Variants in SNTB1 observed in about 807,000 individuals in gnomAD.
SNTB1 encodes the protein syntrophin beta 1.
Under a neutral mutation model 48.9 loss-of-function variants are expected in SNTB1, and 36 were observed. That is an observed-to-expected ratio of 0.74 (90% CI 0.56 to 0.97). SNTB1 has a LOEUF of 0.97. Among genes scored for constraint, SNTB1 ranks in the 50% least tolerant of loss-of-function variants. The pLI is 0.00. For missense variants in SNTB1, 786 were observed against 703.4 expected (o/e 1.12, Z -1.33); for synonymous variants, 299 against 294.6 (o/e 1.01, Z -0.15).
intron 1 of SNTB1, among the ~76,000 whole-genome samples, chr8:120,742,453 G>A (rs1438727986): frequency 1.3e-5 from 2 of 152,150 alleles, no homozygotes; most frequent in African/African-American, 4.8e-5. Context: ...TGTCTGAGGT[G>A]ATTTATTTCT....
chr8:120,572,294 A>G (rs1815868111), intron 4 of SNTB1, among the ~76,000 whole-genome samples: 1 of 152,180 alleles, frequency 6.6e-6, no homozygotes, highest in African/African-American at 2.4e-5. Context: ...AACTTCTTCC[A>G]GAGTTTGTCT....
intron 4 of SNTB1, among the ~76,000 whole-genome samples, chr8:120,556,243 C>A (rs1423494508): frequency 6.6e-6 from 1 of 152,082 alleles, no homozygotes; most frequent in Non-Finnish European, 1.5e-5. Flanking sequence ...GAGTCGGAAC[C>A]CGCTTCTGGT....
chr8:120,690,189 G>T (rs1818101493), intron 2 of SNTB1, among the ~76,000 whole-genome samples: 1 of 152,038 alleles, frequency 6.6e-6, no homozygotes, highest in African/African-American at 2.4e-5. Flanking sequence ...ATCTCTTACT[G>T]TGCCTACTTT....
At chr8:120,757,707 T>C (rs982673819) in intron 1 of SNTB1, among the ~76,000 whole-genome samples, 1 of 152,198 alleles carries the variant, frequency 6.6e-6, no homozygotes, top group African/African-American at 2.4e-5. Flanking sequence ...CCAACTGTAA[T>C]GTTCTAGTGA....
chr8:120,578,316 A>T (rs1282537603), intron 3 of SNTB1, among the ~76,000 whole-genome samples: 2 of 152,050 alleles, frequency 1.3e-5, no homozygotes, highest in Non-Finnish European at 2.9e-5. Context: ...TTTAAAAGCC[A>T]TACCTTGTGC....
chr8:120,679,044 C>T (rs1250796572), intron 2 of SNTB1, among the ~76,000 whole-genome samples: 3 of 152,208 alleles, frequency 2.0e-5, no homozygotes, highest in African/African-American at 7.2e-5. Context: ...TCTTTTTGCT[C>T]CTCAGACCCA....
intron 3 of SNTB1, among the ~76,000 whole-genome samples, chr8:120,591,914 G>C (rs1816245687): frequency 1.3e-5 from 2 of 152,100 alleles, no homozygotes; most frequent in South Asian, 4.2e-4. Flanking sequence ...TAAAGATGAT[G>C]ATGATGATGA....
chr8:120,555,973 C>T (rs1815560623), intron 4 of SNTB1, among the ~76,000 whole-genome samples: 1 of 152,160 alleles, frequency 6.6e-6, no homozygotes, highest in African/African-American at 2.4e-5. Flanking sequence ...CTTCCAGCCT[C>T]CAGAACTGTG....
intron 1 of SNTB1, among the ~76,000 whole-genome samples, chr8:120,721,313 C>T (rs1436588067): frequency 6.6e-6 from 1 of 152,178 alleles, no homozygotes; most frequent in Admixed American, 6.5e-5. Flanking sequence ...AGTTTGGGTG[C>T]TGCTACAAGG....
At position 120,693,819 on chromosome 8, in the gene SNTB1, G is replaced by A. The variant is rs373190531; in HGVS notation, c.661C>T (p.Arg221Trp). 1.1e-5 allele frequency: 18 copies of A among 1,614,056 alleles called. No homozygotes were observed. The highest frequency in any genetic ancestry group is 3.3e-4 in the Middle Eastern group (2 of 6,060). The change falls in exon 2 of 7, where the codon CGG (arginine) becomes TGG (tryptophan). Residue 221 changes from arginine (R) to tryptophan (W), a missense_variant. By Grantham distance (101) the Arg-to-Trp change is moderately radical (BLOSUM62 -3). Coordinates refer to ENST00000517992, the MANE Select transcript of SNTB1 (RefSeq NM_021021.4). ...GWETPPPESP[R>W]LGGSTSDPPS... is the part of the protein sequence containing the mutation. The stretch of plus-strand genomic sequence containing the variant: ...GGGTCTGAGGTGCTGCCCCCTAACC[G>A]AGGGGATTCAGGCGGAGGTGTTTCC...
chr8:120,723,407 C>G (rs944471017), intron 1 of SNTB1, among the ~76,000 whole-genome samples: 1 of 152,036 alleles, frequency 6.6e-6, no homozygotes, highest in African/African-American at 2.4e-5. Context: ...ATACAAAAAG[C>G]CAATTAAAAT....
chr8:120,681,533 G>A (rs564083914), intron 2 of SNTB1, among the ~76,000 whole-genome samples: 126 of 152,236 alleles, frequency 8.3e-4, no homozygotes, highest in Middle Eastern at 3.4e-3. Flanking sequence ...CTGAAAAGAG[G>A]GCCCTAAATG....
At chr8:120,548,508 T>C (rs1197352464) in intron 5 of SNTB1, among the ~76,000 whole-genome samples, 1 of 152,216 alleles carries the variant, frequency 6.6e-6, no homozygotes, top group Non-Finnish European at 1.5e-5. Flanking sequence ...AGGTTACAGG[T>C]AGGAAAACTG....
intron 1 of SNTB1, among the ~76,000 whole-genome samples, chr8:120,786,729 C>A (rs1426701479): frequency 6.6e-6 from 1 of 152,198 alleles, no homozygotes; most frequent in African/African-American, 2.4e-5. Flanking sequence ...TGCTGGCTTG[C>A]AATGGAGGCT....
intron 4 of SNTB1, among the ~76,000 whole-genome samples, chr8:120,554,001 GA>G (rs953907207): frequency 1.1e-4 from 17 of 150,176 alleles, no homozygotes; most frequent in East Asian, 5.8e-4. Context: ...CCGTCTCAAA[GA>G]AAAAAAAAAT....
In SNTB1 at chr8:120,736,776, C is replaced by A. The variant is rs373476608; in HGVS notation, c.572-42868G>T. On this transcript the variant is annotated intron_variant, in intron 1 of 6. Transcript: ENST00000517992. ...AGCTGGAGGAAAATTAAATGCATTT[C>A]ATTCCCACAGCCGTTTTGATTACAT... is the stretch of plus-strand genomic sequence containing the variant. 2.0e-5 allele frequency among the ~76,000 whole-genome samples: 3 copies of A among 152,168 alleles called. 1 individual carries two copies. Among genetic ancestry groups the A allele is most frequent in the African/African-American group, 7.2e-5 (3 of 41,422 alleles).
chr8:120,742,329 T>A, intron 1 of SNTB1, among the ~76,000 whole-genome samples: 1 of 152,162 alleles, frequency 6.6e-6, no homozygotes, highest in East Asian at 1.9e-4. Context: ...AAAAAGAATT[T>A]TCATGAGATA....
intron 1 of SNTB1, among the ~76,000 whole-genome samples, chr8:120,725,041 C>T (rs1818729761): frequency 6.6e-6 from 1 of 152,226 alleles, no homozygotes; most frequent in Non-Finnish European, 1.5e-5. Flanking sequence ...CCAGTGAGGA[C>T]TTCCTGTCTT....
chr8:120,581,272 G>C (rs1816045324), intron 3 of SNTB1, among the ~76,000 whole-genome samples: 1 of 152,134 alleles, frequency 6.6e-6, no homozygotes, highest in Non-Finnish European at 1.5e-5. Context: ...AAGCTGTCTA[G>C]TACCAGGATC....
Sources: allele counts gnomAD v4.1 joint callset (sites outside exome capture counted in the v4.1 genomes callset), GRCh38; gene constraint gnomAD v4.1.1; transcripts MANE v1.5; gene names NCBI Gene and HGNC (gene_info 2026-07-23, HGNC 2026-07-21).